Variants in SNX8 observed in about 807,000 individuals in gnomAD.
SNX8 encodes the protein sorting nexin 8, also known as sorting nexin-8.
SNX8 carries 25 observed loss-of-function variants against 51.6 expected under a neutral mutation model. The ratio of observed to expected loss-of-function variants is 0.48; its 90% CI spans 0.35 to 0.68. SNX8 has a LOEUF of 0.68. Among genes scored for constraint, SNX8 ranks in the 30% least tolerant of loss-of-function variants. The pLI, the probability that SNX8 is intolerant of heterozygous loss-of-function variation, is 0.00. For missense variants in SNX8, 695 were observed against 624.0 expected (o/e 1.11, Z -1.21); for synonymous variants, 324 against 277.0 (o/e 1.17, Z -1.68).
At chr7:2,281,359 C>A (rs1466984985) in intron 1 of SNX8, among the ~76,000 whole-genome samples, 2 of 151,242 alleles carry the variant, frequency 1.3e-5, no homozygotes, top group Admixed American at 1.3e-4. Flanking sequence ...TTCACGGCTG[C>A]GGTATGCCAA....
intron 7 of SNX8, 135 bp downstream of exon 7, chr7:2,263,095 G>A: frequency 1.8e-6 from 2 of 1,088,394 alleles, no homozygotes; most frequent in East Asian, 2.5e-5. Flanking sequence ...CTCCAGCCTG[G>A]CAACAGAGGG....
At chr7:2,343,571 A>G (rs900457771) in intron 1 of SNX8, among the ~76,000 whole-genome samples, 8 of 151,834 alleles carry the variant, frequency 5.3e-5, no homozygotes, top group Non-Finnish European at 1.2e-4. Context: ...GCTGCTGGGG[A>G]GGCTGAGGCA....
intron 1 of SNX8, among the ~76,000 whole-genome samples, chr7:2,321,713 C>CTTTTT (rs59105866): frequency 1.1e-5 from 1 of 88,678 alleles, no homozygotes; most frequent in Non-Finnish European, 2.1e-5. Flanking sequence ...CGCGCCCGGC[C>CTTTTT]TTTTTTTTTT....
At chr7:2,347,354 G>A (rs1404455023) in intron 1 of SNX8, among the ~76,000 whole-genome samples, 5 of 151,334 alleles carry the variant, frequency 3.3e-5, no homozygotes, top group Non-Finnish European at 5.9e-5. Flanking sequence ...CGTGGTGGGC[G>A]CCTGTAGTCC....
chr7:2,311,886 G>A (rs1158411064), intron 1 of SNX8, among the ~76,000 whole-genome samples: 3 of 150,342 alleles, frequency 2.0e-5, no homozygotes, highest in Non-Finnish European at 4.4e-5. Flanking sequence ...GCAGTGAGCC[G>A]AGATCACACC....
chr7:2,280,261 T>G (rs1472695268), intron 1 of SNX8, among the ~76,000 whole-genome samples: 1 of 152,194 alleles, frequency 6.6e-6, no homozygotes, highest in East Asian at 1.9e-4. Flanking sequence ...GAATAATGTT[T>G]AAAAAGTCAG....
chr7:2,337,824 T>G (rs1219020872), intron 1 of SNX8, among the ~76,000 whole-genome samples: 1 of 137,684 alleles, frequency 7.3e-6, no homozygotes, highest in African/African-American at 2.6e-5. Flanking sequence ...ATAAAGGAAC[T>G]TCCTCAAGCA....
intron 1 of SNX8, among the ~76,000 whole-genome samples, chr7:2,295,901 T>A (rs1300403030): frequency 6.6e-6 from 1 of 152,266 alleles, no homozygotes; most frequent in African/African-American, 2.4e-5. Flanking sequence ...TGTAAAAATG[T>A]AGCTTTATTT....
In SNX8 at chr7:2,262,311, A is replaced by G. The variant is rs1376201004; in HGVS notation, c.915+919T>C. ...TGCCTCAGCCTCCCAAAGCGCTGGG[A>G]TGATAGGTGTGAGCCGCTGTGCCCA... is the stretch of plus-strand genomic sequence containing the variant. On this transcript the variant is annotated intron_variant, in intron 7 of 10. Coordinates refer to ENST00000222990, the MANE Select transcript of SNX8 (RefSeq NM_013321.4). Among the ~76,000 whole-genome samples, 6 of 152,284 alleles carry G rather than the reference A, an allele frequency of 3.9e-5. No homozygotes were observed. In the East Asian group the frequency reaches 1.2e-3, roughly 29 times the overall value.
At chr7:2,310,449 C>A (rs1013350123) in intron 1 of SNX8, among the ~76,000 whole-genome samples, 1 of 152,044 alleles carries the variant, frequency 6.6e-6, no homozygotes, top group Admixed American at 6.6e-5. Flanking sequence ...CACAGCCAGA[C>A]TGTCTCTACA....
At chr7:2,327,583 G>A (rs993524286) in intron 1 of SNX8, among the ~76,000 whole-genome samples, 12 of 152,000 alleles carry the variant, frequency 7.9e-5, no homozygotes, top group Admixed American at 3.3e-4. Context: ...AATTTTTTGT[G>A]TTTTTAGTAG....
intron 1 of SNX8, among the ~76,000 whole-genome samples, chr7:2,308,452 G>T (rs934817852): frequency 6.6e-6 from 1 of 152,046 alleles, no homozygotes; most frequent in Non-Finnish European, 1.5e-5. Context: ...CGGATCACCT[G>T]AAGTCAGGAG....
At chr7:2,305,337 G>T (rs748995949) in intron 1 of SNX8, among the ~76,000 whole-genome samples, 20 of 152,202 alleles carry the variant, frequency 1.3e-4, no homozygotes, top group Non-Finnish European at 2.4e-4. Context: ...AGGAACCTCA[G>T]GTTTTCCCCC....
Position 2,263,078 on chromosome 7 carries a change from C to T in SNX8, c.915+152G>A, listed in dbSNP as rs894249489. On this transcript the variant is annotated intron_variant, in intron 7 of 10. Coordinates refer to ENST00000222990, the MANE Select transcript of SNX8 (RefSeq NM_013321.4). ...AGGTTGCAGCGAGCCGAGATTGCGC[C>T]TTTGCGCTCCAGCCTGGCAACAGAG... 7.4e-6 allele frequency: 7 copies of T among 942,564 alleles called. No individual in the cohort carries two copies. In the African/African-American group the frequency reaches 9.9e-5, roughly 13 times the overall value. The allele number at this position is 942,564 out of a possible 1,614,324, so 58.4% of individuals were successfully genotyped here.
At chr7:2,348,773 C>T (rs900213598) in intron 1 of SNX8, among the ~76,000 whole-genome samples, 2 of 151,348 alleles carry the variant, frequency 1.3e-5, no homozygotes, top group Admixed American at 6.6e-5. Flanking sequence ...TGGTAAAACC[C>T]CATCTCCACT....
intron 1 of SNX8, among the ~76,000 whole-genome samples, chr7:2,287,086 C>T (rs1222582134): frequency 2.0e-5 from 3 of 151,394 alleles, no homozygotes; most frequent in African/African-American, 7.3e-5. Context: ...TGCAGTGAGC[C>T]GAGATTGCAC....
At chr7:2,349,411 T>C (rs961008104) in intron 1 of SNX8, among the ~76,000 whole-genome samples, 1 of 151,898 alleles carries the variant, frequency 6.6e-6, no homozygotes, top group African/African-American at 2.4e-5. Context: ...TTTTAGTTTA[T>C]TTTTTTCACC....
intron 1 of SNX8, among the ~76,000 whole-genome samples, chr7:2,348,235 A>G (rs886088691): frequency 6.6e-6 from 1 of 151,850 alleles, no homozygotes; most frequent in East Asian, 1.9e-4. Context: ...TGACACCTAA[A>G]TGGGTCCAAG....
At chr7:2,291,188 T>C (rs1327229788) in intron 1 of SNX8, among the ~76,000 whole-genome samples, 1 of 152,092 alleles carries the variant, frequency 6.6e-6, no homozygotes, top group Non-Finnish European at 1.5e-5. Context: ...TAGTTCCAGC[T>C]GCTTCCAAAG....
Sources: allele counts gnomAD v4.1 joint callset (sites outside exome capture counted in the v4.1 genomes callset), GRCh38; gene constraint gnomAD v4.1.1; transcripts MANE v1.5; gene names NCBI Gene and HGNC (gene_info 2026-07-23, HGNC 2026-07-21).